SRP68: variants seen among roughly 807,000 people sequenced by gnomAD.
SRP68 encodes the protein signal recognition particle 68.
A neutral mutation model predicts 82.2 loss-of-function variants in SRP68; 15 were observed. The ratio of observed to expected loss-of-function variants is 0.18; its 90% CI spans 0.12 to 0.28. The LOEUF (loss-of-function observed/expected upper bound fraction) is 0.28. SRP68 is among the 10% of genes least tolerant of loss of function. The pLI, the probability that SRP68 is intolerant of heterozygous loss-of-function variation, is 1.00. For missense variants in SRP68, 595 were observed against 780.5 expected (o/e 0.76, Z 2.83); for synonymous variants, 261 against 292.6 (o/e 0.89, Z 1.10).
At chr17:76,051,863 AT>A (rs2066675241) in intron 8 of SRP68, among the ~76,000 whole-genome samples, 1 of 152,190 alleles carries the variant, frequency 6.6e-6, no homozygotes, top group Non-Finnish European at 1.5e-5. Context: ...GCACCGTCCA[AT>A]GAACACCTGA....
intron 4 of SRP68, among the ~76,000 whole-genome samples, chr17:76,063,706 G>T: frequency 7.0e-6 from 1 of 142,764 alleles, no homozygotes; most frequent in South Asian, 2.2e-4. Context: ...AAAAAAAAAA[G>T]TTACAGCTAG....
intron 4 of SRP68, among the ~76,000 whole-genome samples, chr17:76,061,889 A>T (rs571351328): frequency 6.6e-6 from 1 of 152,268 alleles, no homozygotes; most frequent in East Asian, 1.9e-4. Flanking sequence ...CTGTAATCCT[A>T]GCAATTTGGG....
chr17:76,048,076 A>G (rs1274253465), intron 9 of SRP68, 106 bp from the exon 10 acceptor site: 2 of 536,290 alleles, frequency 3.7e-6, no homozygotes, highest in Non-Finnish European at 6.4e-6. Flanking sequence ...CATAGACACA[A>G]ACTCTAGTAA....
At chr17:76,057,028 A>T (rs1383211876) in intron 8 of SRP68, among the ~76,000 whole-genome samples, 2 of 152,220 alleles carry the variant, frequency 1.3e-5, no homozygotes, top group Non-Finnish European at 2.9e-5. Context: ...CAGGACTAAG[A>T]GGTGAACCCT....
At position 76,060,335 on chromosome 17, in the gene SRP68, A is replaced by T; in HGVS notation, c.810T>A (p.Thr270=). The change falls in exon 7 of 16, where the codon ACT becomes ACA. Residue 270 remains threonine, a synonymous_variant. Transcript: ENST00000307877. ...LMQMRLRSGG[T]EGLLAEKLEA... is the part of the protein sequence containing the mutation. ...CCAATTTTTCAGCCAAGAGACCCTC[A>T]GTGCCCCCAGACCTCAATCTCATCT... is the stretch of plus-strand genomic sequence containing the variant. 6.2e-7 allele frequency: 1 copy of T among 1,611,654 alleles called. No homozygotes were observed. The highest frequency in any genetic ancestry group is 1.1e-5 in the South Asian group (1 of 90,914).
Position 76,047,987 on chromosome 17 carries a change from A to G in SRP68, c.1078-17T>C. The G allele has an allele frequency of 1.9e-6, 3 of 1,546,202 alleles. No homozygotes were observed. The highest frequency in any genetic ancestry group is 1.8e-6 in the Non-Finnish European group (2 of 1,139,484). ...TCTCTGTTTCTGCAGAAAGTGAAAA[A>G]GGTAAAAAGTAAAGCAACTGATGCT... is the stretch of plus-strand genomic sequence containing the variant. On this transcript the variant is annotated splice_polypyrimidine_tract_variant and intron_variant, in intron 9 of 15. Transcript: ENST00000307877.
At chr17:76,068,387 T>C (rs1399387138) in intron 2 of SRP68, among the ~76,000 whole-genome samples, 6 of 128,304 alleles carry the variant, frequency 4.7e-5, no homozygotes, top group Non-Finnish European at 9.7e-5. Context: ...ACCCGGGAGG[T>C]GGAGGTTGCA....
chr17:76,068,197 C>A (rs1017630984), intron 2 of SRP68, among the ~76,000 whole-genome samples: 1 of 151,952 alleles, frequency 6.6e-6, no homozygotes, highest in African/African-American at 2.4e-5. Flanking sequence ...GAGGATGAGG[C>A]AGGACATTCG....
chr17:76,053,359 T>C (rs2066689693), intron 8 of SRP68: 1 of 588,892 alleles, frequency 1.7e-6, no homozygotes, highest in African/African-American at 2.0e-5. Flanking sequence ...TTCCATGCAA[T>C]CCAACAAACA....
intron 7 of SRP68, among the ~76,000 whole-genome samples, 182 bp downstream of exon 7, chr17:76,060,126 A>G (rs1598266127): frequency 1.5e-5 from 1 of 67,568 alleles, no homozygotes; most frequent in Non-Finnish European, 2.7e-5. Flanking sequence ...ACTCCATCTC[A>G]AAAAAAAAAA....
At chr17:76,054,313 G>A (rs1380517715) in intron 8 of SRP68, among the ~76,000 whole-genome samples, 3 of 152,150 alleles carry the variant, frequency 2.0e-5, no homozygotes, top group Non-Finnish European at 1.5e-5. Flanking sequence ...GTATGACTAA[G>A]AGACACACAA....
intron 7 of SRP68, among the ~76,000 whole-genome samples, chr17:76,059,257 T>C (rs2066733559): frequency 6.6e-6 from 1 of 151,820 alleles, no homozygotes; most frequent in South Asian, 2.1e-4. Context: ...AAAATAATAA[T>C]AAGTAAGCCG....
chr17:76,045,085 C>T, intron 12 of SRP68: 1 of 499,956 alleles, frequency 2.0e-6, no homozygotes, highest in South Asian at 2.7e-5. Context: ...TCCGACCTGG[C>T]CAAAAGGCAG....
intron 11 of SRP68, among the ~76,000 whole-genome samples, chr17:76,045,665 G>T (rs191478926): frequency 6.6e-6 from 1 of 152,126 alleles, no homozygotes; most frequent in Non-Finnish European, 1.5e-5. Flanking sequence ...CTGTTCCAGC[G>T]CTGAGCTTTT....
intron 8 of SRP68, among the ~76,000 whole-genome samples, chr17:76,054,845 GA>G (rs1007599892): frequency 2.1e-5 from 3 of 146,322 alleles, no homozygotes; most frequent in African/African-American, 7.6e-5. Flanking sequence ...TCCAGCAAGG[GA>G]AAAAAAAACA....
intron 8 of SRP68, 59 bp from the exon 9 acceptor site, chr17:76,050,585 T>C: frequency 2.9e-6 from 4 of 1,357,770 alleles, no homozygotes; most frequent in Non-Finnish European, 4.2e-6. Flanking sequence ...AGTCACCTAA[T>C]GGGAGAGGAG....
intron 11 of SRP68, 54 bp downstream of exon 11, chr17:76,045,984 G>T: frequency 6.2e-7 from 1 of 1,606,226 alleles, no homozygotes; most frequent in Non-Finnish European, 8.5e-7. Context: ...CTTTGTGTCC[G>T]ACACAGGCAA....
chr17:76,069,903 C>G (rs768971322), intron 2 of SRP68, among the ~76,000 whole-genome samples: 1 of 151,612 alleles, frequency 6.6e-6, no homozygotes, highest in African/African-American at 2.4e-5. Flanking sequence ...ATGGCGAAAC[C>G]CCATCTCTAC....
Position 76,062,834 on chromosome 17 carries a change from A to G in SRP68, c.561+1142T>C, listed in dbSNP as rs1321071146. On this transcript the variant is annotated intron_variant, in intron 4 of 15. Coordinates refer to ENST00000307877, the MANE Select transcript of SRP68 (RefSeq NM_014230.4). ...CCCCCAGGCTGGAGCGCAGTGGCAC[A>G]ATCTCAGCTCACTGCAAGCTCCGCC... Among the ~76,000 whole-genome samples the G allele has an allele frequency of 3.7e-5, 5 of 136,946 alleles. No homozygotes were observed. The East Asian group carries it at 6.1e-4, about 17-fold the overall frequency. 89.8% of individuals were successfully genotyped at this position (136,946 alleles called of 152,430 possible).
Sources: allele counts gnomAD v4.1 joint callset (sites outside exome capture counted in the v4.1 genomes callset), GRCh38; gene constraint gnomAD v4.1.1; transcripts MANE v1.5; gene names NCBI Gene and HGNC (gene_info 2026-07-23, HGNC 2026-07-21).